Variants in PPIP5K2 observed in about 807,000 individuals in gnomAD.
PPIP5K2 encodes the protein inositol hexakisphosphate and diphosphoinositol-pentakisphosphate kinase 2.
In PPIP5K2, 105 loss-of-function variants were observed where a neutral mutation model predicts 154.6. That is an observed-to-expected ratio of 0.68 (90% CI 0.58 to 0.80). The LOEUF (loss-of-function observed/expected upper bound fraction) is 0.80. Ranked by LOEUF, PPIP5K2 falls within the 30% of genes least tolerant of loss-of-function variation. The pLI is 0.00. For missense variants in PPIP5K2, 992 were observed against 1,504.6 expected, an observed-to-expected ratio of 0.66 and a Z score of 5.64; for synonymous variants, 480 against 490.3, an observed-to-expected ratio of 0.98 and a Z score of 0.28.
chr5:103,191,208 A>C, intron 29 of PPIP5K2: 2 of 387,538 alleles, frequency 5.2e-6, no homozygotes, highest in South Asian at 8.8e-5. Flanking sequence ...AACAAAAAAC[A>C]AAAAACCAAT....
At chr5:103,201,492 G>GTTTT in intron 30 of PPIP5K2, 30 bp from the exon 31 acceptor site, 1 of 1,131,788 alleles carries the variant, frequency 8.8e-7, no homozygotes, top group Non-Finnish European at 1.2e-6. Flanking sequence ...TTAAGCAATA[G>GTTTT]TTTTTTTTTT....
chr5:103,194,865 T>A lies in PPIP5K2; in HGVS notation c.3494-35T>A, dbSNP rs782722985. ...ATGTTAAGAGATAATTGGCAGGAAA[T>A]TATTAAATTAACATGTTTGTTTATT... On this transcript the variant is annotated intron_variant, in intron 29 of 30. Coordinates refer to ENST00000358359, the MANE Select transcript of PPIP5K2 (RefSeq NM_001276277.3). 4 of 1,590,142 alleles carry A rather than the reference T, an allele frequency of 2.5e-6. No individual in the cohort carries two copies. In the South Asian group the frequency reaches 3.4e-5, roughly 14 times the overall value.
At chr5:103,154,580 T>A in intron 11 of PPIP5K2, 90 bp from the exon 12 acceptor site, 1 of 780,802 alleles carries the variant, frequency 1.3e-6, no homozygotes, top group South Asian at 2.1e-5. Context: ...TCTAGTCCCA[T>A]AGCTTATCAT....
At position 103,206,603 on chromosome 5, in the gene PPIP5K2, T is replaced by C. The variant is rs1212109430; in HGVS notation, c.*4969T>C. On this transcript the variant is annotated 3_prime_UTR_variant, in exon 31 of 31. Coordinates refer to ENST00000358359, the MANE Select transcript of PPIP5K2 (RefSeq NM_001276277.3). ...GCTGTTCCATGCATAGCAGCATGTC[T>C]AGTAGGATCTCTGTACCTAGCTGTG... is the stretch of plus-strand genomic sequence containing the variant. 6.6e-6 allele frequency: 1 copy of C among 152,226 alleles called. No homozygotes were observed. The highest frequency in any genetic ancestry group is 1.5e-5 in the Non-Finnish European group (1 of 68,036). The allele number at this position is 152,226 out of a possible 1,614,324, so 9.4% of individuals were successfully genotyped here.
chr5:103,149,674 T>C (rs1264108687), intron 8 of PPIP5K2, among the ~76,000 whole-genome samples: 5 of 152,160 alleles, frequency 3.3e-5, no homozygotes, highest in Admixed American at 3.3e-4. Context: ...CAGTGGTCTA[T>C]GTTCATGAAA....
intron 23 of PPIP5K2, among the ~76,000 whole-genome samples, chr5:103,178,921 T>TTTATTTA (rs1799113671): frequency 2.0e-5 from 3 of 151,938 alleles, no homozygotes; most frequent in Admixed American, 1.3e-4. Context: ...ATTTCATTTA[T>TTTATTTA]GATTTATTTA....
In PPIP5K2 at chr5:103,138,469, G is replaced by A. The variant is rs1554205231; in HGVS notation, c.487G>A (p.Glu163Lys). 1 of 1,588,892 alleles carries A rather than the reference G, an allele frequency of 6.3e-7. No individual in the cohort carries two copies. Among genetic ancestry groups the A allele is most frequent in the Non-Finnish European group, 8.6e-7 (1 of 1,160,878 alleles). The change falls in exon 5 of 31, where the codon GAA becomes AAA. Residue 163 changes from glutamate to lysine, a missense_variant and splice_region_variant. Coordinates refer to ENST00000358359, the MANE Select transcript of PPIP5K2 (RefSeq NM_001276277.3). The stretch of plus-strand genomic sequence containing the variant: ...GAACCGTGACCCAAATAATCCCAAA[G>A]GTAAGAGTAAGAGATTTTAGGTAAG... ...ILNRDPNNPK[E>K]CNLIEGEDHV...
At chr5:103,127,067 C>T (rs1400125456) in intron 1 of PPIP5K2, among the ~76,000 whole-genome samples, 1 of 152,134 alleles carries the variant, frequency 6.6e-6, no homozygotes, top group Non-Finnish European at 1.5e-5. Flanking sequence ...GTATTCCAGA[C>T]TTTTTCCAAT....
intron 30 of PPIP5K2, among the ~76,000 whole-genome samples, chr5:103,195,621 C>T (rs1453629222): frequency 1.3e-5 from 2 of 151,996 alleles, no homozygotes; most frequent in Non-Finnish European, 2.9e-5. Flanking sequence ...GCTCTCTTAC[C>T]CTATTACTAT....
In PPIP5K2 at chr5:103,156,687, G is replaced by C. The variant is rs74733344; in HGVS notation, c.1489+693G>C. On this transcript the variant is annotated intron_variant, in intron 14 of 30. Coordinates refer to ENST00000358359, the MANE Select transcript of PPIP5K2 (RefSeq NM_001276277.3). ...CATTGAGACAGGATTTCAGTCTATAGTAGAAGTATAAATTGGCACAGTGTT... is the reference window on the plus strand; with the variant it reads ...CATTGAGACAGGATTTCAGTCTATACTAGAAGTATAAATTGGCACAGTGTT... 9.0e-3 allele frequency among the ~76,000 whole-genome samples: 1,369 copies of C among 152,284 alleles called. 8 individuals are homozygous for C. Among genetic ancestry groups the C allele is most frequent in the Non-Finnish European group, 0.013 (856 of 67,998 alleles).
In PPIP5K2 at chr5:103,168,239, A is replaced by T. The variant is rs781808346; in HGVS notation, c.2230A>T (p.Asn744Tyr). The T allele has an allele frequency of 6.8e-6, 11 of 1,610,134 alleles. No individual in the cohort carries two copies. The Middle Eastern group carries it at 8.3e-4, about 121-fold the overall frequency. ...VQHNGSLKLE[N>Y]TMELYRLSKA... ...GCATAATGGTTCCTTGAAATTAGAA[A>T]ACACAATGGAATTATATAGGCTTTC... The change falls in exon 19 of 31, where the codon AAC becomes TAC. Residue 744 changes from asparagine (N) to tyrosine (Y), a missense_variant. Asn to Tyr is a moderately radical substitution (Grantham distance 143). Around this residue, in one of 9 missense-constraint regions of PPIP5K2, gnomAD observed 157 missense variants for 281.2 expected, o/e 0.56. Transcript: ENST00000358359.
chr5:103,159,089 ATAT>A, intron 16 of PPIP5K2, 54 bp from the exon 17 acceptor site: 2 of 1,238,706 alleles, frequency 1.6e-6, no homozygotes, highest in Non-Finnish European at 2.2e-6. Flanking sequence ...ATGTAACAAA[ATAT>A]TATTTTACGT....
chr5:103,154,497 A>G (rs767647698), intron 11 of PPIP5K2, among the ~76,000 whole-genome samples, 173 bp from the exon 12 acceptor site: 1 of 152,092 alleles, frequency 6.6e-6, no homozygotes, highest in South Asian at 2.1e-4. Context: ...ACTAAGTTTT[A>G]TCAATCAAAG....
At position 103,201,899 on chromosome 5, in the gene PPIP5K2, T is replaced by G; in HGVS notation, c.*265T>G. On this transcript the variant is annotated 3_prime_UTR_variant, in exon 31 of 31. Coordinates refer to ENST00000358359, the MANE Select transcript of PPIP5K2 (RefSeq NM_001276277.3). ...GTGCACATAGTAATGAAAAGGAACA[T>G]AAAAGCCCAGCAGGCTCGTACCAAA... 1 of 339,146 alleles carries G rather than the reference T, an allele frequency of 2.9e-6. No homozygotes were observed. The highest frequency in any genetic ancestry group is 3.7e-5 in the South Asian group (1 of 27,092). 21.0% of individuals were successfully genotyped at this position (339,146 alleles called of 1,614,324 possible).
rs531484948 is a variant in PPIP5K2, at chr5:103,181,233, T to C, written c.2922+1045T>C. Among the ~76,000 whole-genome samples the C allele has an allele frequency of 4.6e-5, 7 of 152,042 alleles. No individual in the cohort carries two copies. The South Asian group carries it at 1.5e-3, about 32-fold the overall frequency. On this transcript the variant is annotated intron_variant, in intron 24 of 30. Transcript: ENST00000358359. ...ATGAGTCTCCCAGCACTGATTGAGG[T>C]CAGTGCTTCTAACTGTTTTCTAAAT... is the stretch of plus-strand genomic sequence containing the variant.
intron 23 of PPIP5K2, among the ~76,000 whole-genome samples, chr5:103,178,840 T>C (rs1227428796): frequency 6.6e-6 from 1 of 151,826 alleles, no homozygotes; most frequent in Non-Finnish European, 1.5e-5. Context: ...TACACCATCT[T>C]TGTCATATTA....
At chr5:103,122,954 A>G (rs1554199576) in intron 1 of PPIP5K2, among the ~76,000 whole-genome samples, 1 of 152,184 alleles carries the variant, frequency 6.6e-6, no homozygotes, top group African/African-American at 2.4e-5. Flanking sequence ...CCCAGGCAGT[A>G]GTGTTCATGA....
At chr5:103,143,498 A>T (rs1793200691) in intron 5 of PPIP5K2, among the ~76,000 whole-genome samples, 1 of 152,212 alleles carries the variant, frequency 6.6e-6, no homozygotes, top group African/African-American at 2.4e-5. Flanking sequence ...GCCACAAAGG[A>T]AGATAGGTCA....
rs1324963148 is a variant in PPIP5K2, at chr5:103,151,249, A to G, written c.907-4A>G. ...CCTTAAAGTTTATAACTTATTTTAA[A>G]TAGCAAACAGTTTGTGGCTTTGATT... On this transcript the variant is annotated splice_region_variant and splice_polypyrimidine_tract_variant and intron_variant, in intron 8 of 30. Coordinates refer to ENST00000358359, the MANE Select transcript of PPIP5K2 (RefSeq NM_001276277.3). 4 of 1,588,262 alleles carry G rather than the reference A, an allele frequency of 2.5e-6. No homozygotes were observed. In the African/African-American group the frequency reaches 4.1e-5, roughly 16 times the overall value.
Sources: allele counts gnomAD v4.1 joint callset (sites outside exome capture counted in the v4.1 genomes callset), GRCh38; gene constraint gnomAD v4.1.1; regional missense constraint gnomAD v4.1.1; transcripts MANE v1.5; gene names NCBI Gene and HGNC (gene_info 2026-07-23, HGNC 2026-07-21).